Variants in CDKAL1 observed in about 807,000 individuals in gnomAD.
CDKAL1 encodes CDKAL1 threonylcarbamoyladenosine tRNA methylthiotransferase, also known as threonylcarbamoyladenosine tRNA methylthiotransferase.
A neutral mutation model predicts 68.2 loss-of-function variants in CDKAL1; 32 were observed. The observed-to-expected ratio is 0.47, with a 90% CI of 0.35 to 0.63. The LOEUF (loss-of-function observed/expected upper bound fraction) is 0.63, where lower values mean the gene tolerates loss of function less well. Ranked by LOEUF, CDKAL1 falls within the 30% of genes least tolerant of loss-of-function variation. CDKAL1 has a pLI of 0.00. For synonymous variants in CDKAL1, 234 were observed against 244.3 expected (o/e 0.96, Z 0.39); for missense variants, 606 against 696.7 (o/e 0.87, Z 1.47).
chr6:21,185,324 G>A (rs1242133526), intron 13 of CDKAL1, among the ~76,000 whole-genome samples: 2 of 151,788 alleles, frequency 1.3e-5, no homozygotes, highest in African/African-American at 4.8e-5. Context: ...CTAAATAACT[G>A]TGTCCTTTCT....
intron 5 of CDKAL1, among the ~76,000 whole-genome samples, chr6:20,682,640 C>T (rs1770434171): frequency 6.6e-6 from 1 of 152,124 alleles, no homozygotes; most frequent in Admixed American, 6.5e-5. Flanking sequence ...GCCCCTCCTC[C>T]AACAACGGGA....
chr6:21,131,432 T>C (rs74387263), intron 13 of CDKAL1, among the ~76,000 whole-genome samples: 5,385 of 152,354 alleles, frequency 0.035, 134 homozygotes, highest in Middle Eastern at 0.058. Flanking sequence ...TTCAGTTTTC[T>C]TGTTAGGCCA....
chr6:21,203,857 C>T (rs373990800), intron 15 of CDKAL1, among the ~76,000 whole-genome samples: 7 of 151,984 alleles, frequency 4.6e-5, no homozygotes, highest in Non-Finnish European at 8.8e-5. Context: ...CCACCACACC[C>T]GGCTAATCAC....
At chr6:21,168,391 A>T (rs1402353464) in intron 13 of CDKAL1, among the ~76,000 whole-genome samples, 3 of 152,206 alleles carry the variant, frequency 2.0e-5, no homozygotes, top group Non-Finnish European at 4.4e-5. Flanking sequence ...TAGAAAGACA[A>T]CTCATTTGAG....
At chr6:20,976,981 A>C (rs1765875052) in intron 10 of CDKAL1, among the ~76,000 whole-genome samples, 1 of 152,190 alleles carries the variant, frequency 6.6e-6, no homozygotes. Flanking sequence ...ATCTTTTGGC[A>C]GACATAATAC....
At chr6:20,974,039 G>C (rs1424914830) in intron 10 of CDKAL1, among the ~76,000 whole-genome samples, 1 of 152,184 alleles carries the variant, frequency 6.6e-6, no homozygotes, top group African/African-American at 2.4e-5. Flanking sequence ...AAACAAAGAG[G>C]CCCCAAAATA....
chr6:21,140,364 A>C (rs766249063), intron 13 of CDKAL1, among the ~76,000 whole-genome samples: 5 of 152,232 alleles, frequency 3.3e-5, no homozygotes, highest in Non-Finnish European at 7.3e-5. Context: ...TTGAGACCAA[A>C]TGTAAACACT....
At chr6:20,616,704 A>T (rs1766920162) in intron 4 of CDKAL1, among the ~76,000 whole-genome samples, 1 of 151,616 alleles carries the variant, frequency 6.6e-6, no homozygotes, top group African/African-American at 2.4e-5. Context: ...GGTTTTCTAG[A>T]TATATTTGAC....
chr6:20,836,097 A>T (rs1777928387), intron 8 of CDKAL1, among the ~76,000 whole-genome samples: 2 of 152,282 alleles, frequency 1.3e-5, no homozygotes, highest in African/African-American at 4.8e-5. Context: ...AAAGGAAAGC[A>T]GGAGTGTACC....
chr6:20,869,857 A>AT (rs1561845086), intron 9 of CDKAL1, among the ~76,000 whole-genome samples: 1 of 152,160 alleles, frequency 6.6e-6, no homozygotes, highest in East Asian at 1.9e-4. Flanking sequence ...CTGATGGCTG[A>AT]TTTTTTAATG....
intron 9 of CDKAL1, among the ~76,000 whole-genome samples, chr6:20,851,695 T>A (rs370459785): frequency 1.0e-3 from 154 of 152,020 alleles, no homozygotes; most frequent in African/African-American, 3.6e-3. Flanking sequence ...TGATTTCGAT[T>A]AATTTCGATA....
chr6:21,187,756 C>G (rs141610765), intron 13 of CDKAL1, among the ~76,000 whole-genome samples: 1 of 152,214 alleles, frequency 6.6e-6, no homozygotes. Context: ...TTGCTTTTCT[C>G]TTTTTTTAAA....
chr6:20,954,313 AG>A (rs1764676291), intron 9 of CDKAL1, among the ~76,000 whole-genome samples: 1 of 152,144 alleles, frequency 6.6e-6, no homozygotes, highest in Non-Finnish European at 1.5e-5. Context: ...TCTCTTGGCT[AG>A]GAATATTTAA....
At chr6:21,177,684 G>A (rs1295736322) in intron 13 of CDKAL1, among the ~76,000 whole-genome samples, 3 of 147,856 alleles carry the variant, frequency 2.0e-5, no homozygotes, top group Admixed American at 6.7e-5. Context: ...TTTTTCAGTA[G>A]CAAAGAGATA....
intron 13 of CDKAL1, among the ~76,000 whole-genome samples, chr6:21,119,373 G>A (rs535633192): frequency 1.3e-5 from 2 of 152,106 alleles, no homozygotes; most frequent in East Asian, 3.9e-4. Flanking sequence ...CTCACCACAT[G>A]GTATATGTTC....
At chr6:20,781,303 A>G (rs766154267) in intron 8 of CDKAL1, 38 bp downstream of exon 8, 15 of 1,541,434 alleles carry the variant, frequency 9.7e-6, no homozygotes, top group East Asian at 2.3e-5. Context: ...AATATTCAAT[A>G]TATTTCATGA....
At chr6:20,834,504 G>A (rs1295450052) in intron 8 of CDKAL1, among the ~76,000 whole-genome samples, 3 of 152,092 alleles carry the variant, frequency 2.0e-5, no homozygotes, top group African/African-American at 7.2e-5. Context: ...CTTTTGTTTG[G>A]TTGGTTTATT....
intron 5 of CDKAL1, among the ~76,000 whole-genome samples, chr6:20,695,490 C>T (rs76209409): frequency 6.6e-6 from 1 of 152,128 alleles, no homozygotes; most frequent in Non-Finnish European, 1.5e-5. Context: ...AAATACACAT[C>T]ATTTTCTCCA....
Position 20,721,725 on chromosome 6 carries a change from G to GTTTTTTTTTTTTTTTTTTT in CDKAL1, c.372-17787_372-17769dup, listed in dbSNP as rs145893325. ...CTTCTCTGCACCCTGACCAACTTCTGTTTTTTTTTTTTTTTTTTTTTTTTT... is the reference window on the plus strand; with the variant it reads ...CTTCTCTGCACCCTGACCAACTTCTGTTTTTTTTTTTTTTTTTTTTTTTTTTTTTTTTTTTTTTTTTTTT... On this transcript the variant is annotated intron_variant, in intron 5 of 15. Coordinates refer to ENST00000274695, the MANE Select transcript of CDKAL1 (RefSeq NM_017774.3). Among the ~76,000 whole-genome samples the GTTTTTTTTTTTTTTTTTTT allele has an allele frequency of 1.8e-4, 12 of 67,376 alleles. 2 individuals are homozygous for GTTTTTTTTTTTTTTTTTTT. Among genetic ancestry groups the GTTTTTTTTTTTTTTTTTTT allele is most frequent in the Non-Finnish European group, 2.4e-4 (9 of 37,672 alleles). The allele number at this position is 67,376 out of a possible 152,430, so 44.2% of individuals were successfully genotyped here.
Sources: allele counts gnomAD v4.1 joint callset (sites outside exome capture counted in the v4.1 genomes callset), GRCh38; gene constraint gnomAD v4.1.1; transcripts MANE v1.5; gene names NCBI Gene and HGNC (gene_info 2026-07-23, HGNC 2026-07-21).